PREP: variants seen among roughly 807,000 people sequenced by gnomAD.
The protein encoded by PREP is dJ355L5.1 (prolyl endopeptidase).
A neutral mutation model predicts 87.6 loss-of-function variants in PREP; 29 were observed. The observed-to-expected ratio is 0.33, with a 90% CI of 0.25 to 0.45. PREP has a LOEUF of 0.45. Among genes scored for constraint, PREP ranks in the 20% least tolerant of loss-of-function variants. PREP has a pLI of 1.00. For synonymous variants in PREP, 337 were observed against 328.6 expected, an observed-to-expected ratio of 1.03 and a Z score of -0.28; for missense variants, 695 against 886.5, an observed-to-expected ratio of 0.78 and a Z score of 2.74.
chr6:105,288,147 CTTCCT>C (rs1770225097), intron 11 of PREP, among the ~76,000 whole-genome samples: 1 of 152,176 alleles, frequency 6.6e-6, no homozygotes. Context: ...AAGAAAGGAG[CTTCCT>C]TTAAGACCTT....
At chr6:105,339,941 G>A (rs1021656084) in intron 7 of PREP, among the ~76,000 whole-genome samples, 8 of 152,198 alleles carry the variant, frequency 5.3e-5, no homozygotes, top group African/African-American at 1.9e-4. Flanking sequence ...GTGATGAGGA[G>A]AATGGAACCA....
intron 8 of PREP, among the ~76,000 whole-genome samples, chr6:105,330,675 AG>A (rs904135882): frequency 1.9e-4 from 29 of 151,684 alleles, no homozygotes; most frequent in African/African-American, 5.8e-4. Flanking sequence ...TTCATGTGGA[AG>A]GGGGGGGTTC....
rs1246514182 is a variant in PREP at position 105,277,912 on chromosome 6, C to T, written c.*232G>A. The stretch of plus-strand genomic sequence containing the variant: ...TATCCCAACATGCCCTTAAAAAAAA[C>T]ACCAAAAAACCACATGTGCCTAGAC... On this transcript the variant is annotated 3_prime_UTR_variant, in exon 15 of 15. Coordinates refer to ENST00000652536, the MANE Select transcript of PREP (RefSeq NM_002726.5). The T allele has an allele frequency of 6.9e-6, 4 of 578,814 alleles. No individual in the cohort carries two copies. Among genetic ancestry groups the T allele is most frequent in the Non-Finnish European group, 1.2e-5 (4 of 337,464 alleles). 35.9% of individuals were successfully genotyped at this position (578,814 alleles called of 1,614,324 possible).
At chr6:105,358,999 C>G (rs1393116511) in intron 6 of PREP, among the ~76,000 whole-genome samples, 1 of 152,166 alleles carries the variant, frequency 6.6e-6, no homozygotes, top group Non-Finnish European at 1.5e-5. Context: ...AGTGGCTGAT[C>G]TTAATAGGAA....
intron 8 of PREP, among the ~76,000 whole-genome samples, chr6:105,330,855 G>T (rs1414345249): frequency 1.3e-5 from 2 of 152,170 alleles, no homozygotes; most frequent in Non-Finnish European, 2.9e-5. Context: ...CTCAAGTGAG[G>T]ACATAAAGAA....
Position 105,307,621 on chromosome 6 carries a change from C to A in PREP, c.1317+16044G>T, listed in dbSNP as rs529435149. On this transcript the variant is annotated intron_variant, in intron 10 of 14. Coordinates refer to ENST00000652536, the MANE Select transcript of PREP (RefSeq NM_002726.5). ...TAAGCAATGTTTTCACTCAGTCATT[C>A]TTTTCTTTTGAGATGGAGTCTTGCT... Among the ~76,000 whole-genome samples, 15 of 152,174 alleles carry A rather than the reference C, an allele frequency of 9.9e-5. No individual in the cohort carries two copies. The South Asian group carries it at 3.1e-3, about 32-fold the overall frequency.
At chr6:105,294,979 A>G (rs1323046438) in intron 10 of PREP, among the ~76,000 whole-genome samples, 1 of 152,008 alleles carries the variant, frequency 6.6e-6, no homozygotes, top group East Asian at 1.9e-4. Context: ...ACCCTAACCC[A>G]TTGGATTCCT....
intron 10 of PREP, among the ~76,000 whole-genome samples, chr6:105,314,815 T>C (rs191850861): frequency 6.6e-6 from 1 of 152,316 alleles, no homozygotes; most frequent in Admixed American, 6.5e-5. Flanking sequence ...TGGTGAATCC[T>C]GTCCAGAAGG....
At chr6:105,352,437 G>A (rs903713302) in intron 7 of PREP, among the ~76,000 whole-genome samples, 1 of 152,110 alleles carries the variant, frequency 6.6e-6, no homozygotes, top group African/African-American at 2.4e-5. Context: ...AAGTACTGAG[G>A]GCCACTCTAC....
At chr6:105,392,558 A>G (rs936968535) in intron 2 of PREP, among the ~76,000 whole-genome samples, 9 of 151,990 alleles carry the variant, frequency 5.9e-5, no homozygotes, top group African/African-American at 2.2e-4. Context: ...GGTCTCCCAG[A>G]CCAGTTTTTA....
intron 7 of PREP, among the ~76,000 whole-genome samples, chr6:105,346,903 C>A (rs1771812247): frequency 6.6e-6 from 1 of 152,184 alleles, no homozygotes; most frequent in South Asian, 2.1e-4. Context: ...GGGTTCATGA[C>A]CAGCCTGGCC....
intron 2 of PREP, among the ~76,000 whole-genome samples, chr6:105,385,163 T>C (rs762207793): frequency 4.0e-5 from 6 of 151,846 alleles, no homozygotes; most frequent in Non-Finnish European, 7.4e-5. Context: ...ATAAAGGTGT[T>C]TTATGAGAAA....
At chr6:105,346,970 G>A (rs1771813807) in intron 7 of PREP, among the ~76,000 whole-genome samples, 2 of 152,012 alleles carry the variant, frequency 1.3e-5, no homozygotes, top group African/African-American at 4.8e-5. Context: ...TGTGGTGGCA[G>A]GCACCTATAA....
chr6:105,327,427 T>C (rs1771195329), intron 9 of PREP, among the ~76,000 whole-genome samples: 1 of 152,210 alleles, frequency 6.6e-6, no homozygotes, highest in South Asian at 2.1e-4. Context: ...CTTGATCCGC[T>C]GCAAGGTGCT....
At chr6:105,357,890 T>C (rs1200026890) in intron 6 of PREP, among the ~76,000 whole-genome samples, 2 of 151,694 alleles carry the variant, frequency 1.3e-5, no homozygotes, top group East Asian at 1.9e-4. Flanking sequence ...GTGGAACAGT[T>C]TGAATTCCGG....
chr6:105,283,582 G>T (rs181003862), intron 12 of PREP, among the ~76,000 whole-genome samples: 34 of 152,304 alleles, frequency 2.2e-4, no homozygotes, highest in African/African-American at 7.9e-4. Flanking sequence ...GGATTACTTA[G>T]TTACTAGGAA....
intron 9 of PREP, among the ~76,000 whole-genome samples, chr6:105,325,212 A>G (rs779551003): frequency 4.6e-5 from 7 of 152,158 alleles, no homozygotes; most frequent in Non-Finnish European, 1.0e-4. Flanking sequence ...AAAAAGTATA[A>G]ATAATCAAAC....
chr6:105,362,583 A>G (rs1210764843), intron 6 of PREP, among the ~76,000 whole-genome samples: 1 of 152,194 alleles, frequency 6.6e-6, no homozygotes, highest in East Asian at 1.9e-4. Flanking sequence ...CTTCTGCAGG[A>G]TTGTTTTATG....
In PREP at chr6:105,276,643, G is replaced by A. The variant is rs901031623; in HGVS notation, c.*1501C>T. On this transcript the variant is annotated 3_prime_UTR_variant, in exon 15 of 15. Coordinates refer to ENST00000652536, the MANE Select transcript of PREP (RefSeq NM_002726.5). ...GCTACTGGCACACTTTGTTTCCAGA[G>A]GAGTTATGGTGAATCTTATACTCAA... Among the ~76,000 whole-genome samples, 1 of 152,196 alleles carries A rather than the reference G, an allele frequency of 6.6e-6. No homozygotes were observed. Among genetic ancestry groups the A allele is most frequent in the Non-Finnish European group, 1.5e-5 (1 of 68,032 alleles).
Sources: allele counts gnomAD v4.1 joint callset (sites outside exome capture counted in the v4.1 genomes callset), GRCh38; gene constraint gnomAD v4.1.1; transcripts MANE v1.5; gene names NCBI Gene and HGNC (gene_info 2026-07-23, HGNC 2026-07-21).